SVOP: variants seen among roughly 807,000 people sequenced by gnomAD.
SVOP encodes SV2 related protein.
SVOP carries 17 observed loss-of-function variants against 69.1 expected under a neutral mutation model. The ratio of observed to expected loss-of-function variants is 0.25; its 90% CI spans 0.17 to 0.37. The LOEUF is 0.37. Ranked by LOEUF, SVOP falls within the 10% of genes least tolerant of loss-of-function variation. SVOP has a pLI of 1.00. For missense variants in SVOP, 435 were observed against 597.5 expected (o/e 0.73, Z 2.84); for synonymous variants, 238 against 238.6 (o/e 1.00, Z 0.02).
intron 1 of SVOP, among the ~76,000 whole-genome samples, chr12:109,013,346 T>C (rs917603097): frequency 1.3e-5 from 2 of 151,866 alleles, no homozygotes. Flanking sequence ...CAGCTTTTTT[T>C]CCAATTATGA....
intron 1 of SVOP, among the ~76,000 whole-genome samples, chr12:109,003,333 C>T (rs2040284467): frequency 6.6e-6 from 1 of 152,194 alleles, no homozygotes; most frequent in South Asian, 2.1e-4. Context: ...TATAAATATA[C>T]ATAACAACAG....
At chr12:108,964,419 T>A (rs1245346697) in intron 5 of SVOP, among the ~76,000 whole-genome samples, 3 of 151,060 alleles carry the variant, frequency 2.0e-5, no homozygotes, top group Non-Finnish European at 4.4e-5. Flanking sequence ...ATCCAAGGAG[T>A]CTTGAATCAA....
chr12:108,937,030 C>T (rs1302828835), intron 10 of SVOP: 1 of 505,328 alleles, frequency 2.0e-6, no homozygotes, highest in East Asian at 3.5e-5. Flanking sequence ...CCACTGCACT[C>T]CAGCCTGCAC....
At chr12:108,925,739 C>T (rs1291536252) in intron 11 of SVOP, among the ~76,000 whole-genome samples, 1 of 152,134 alleles carries the variant, frequency 6.6e-6, no homozygotes, top group Non-Finnish European at 1.5e-5. Flanking sequence ...AAGGCATGCA[C>T]CTGCCTCAGG....
At chr12:108,956,379 C>G (rs2039986112) in intron 6 of SVOP, among the ~76,000 whole-genome samples, 1 of 152,000 alleles carries the variant, frequency 6.6e-6, no homozygotes, top group African/African-American at 2.4e-5. Flanking sequence ...GCTCAGCAGG[C>G]ATAAGAAATC....
Position 108,922,700 on chromosome 12 carries a change from A to T in SVOP, c.1146T>A (p.Ser382=). The change falls in exon 12 of 16, where the codon TCT becomes TCA. Residue 382 remains serine, a synonymous_variant. Transcript: ENST00000610966. ...DYMDLLWTTL[S]EFPGVLVTLW... is the part of the protein sequence containing the mutation. ...GCACAGGTCCCTCACCTGGAAACTC[A>T]GAGAGGGTGGTCCACAGCAAGTCCA... 1 of 1,608,200 alleles carries T rather than the reference A, an allele frequency of 6.2e-7. No homozygotes were observed. Among genetic ancestry groups the T allele is most frequent in the Non-Finnish European group, 8.5e-7 (1 of 1,177,390 alleles).
At chr12:108,965,714 G>A (rs2040041289) in intron 5 of SVOP, among the ~76,000 whole-genome samples, 1 of 152,114 alleles carries the variant, frequency 6.6e-6, no homozygotes, top group Non-Finnish European at 1.5e-5. Flanking sequence ...GTGCTCGTGG[G>A]CCAAATGTGG....
intron 4 of SVOP, among the ~76,000 whole-genome samples, chr12:108,975,784 C>CT (rs1491558374): frequency 6.6e-6 from 1 of 152,174 alleles, no homozygotes; most frequent in Non-Finnish European, 1.5e-5. Context: ...TCTCTGCAAA[C>CT]TCAGCCTCCC....
chr12:108,913,312 T>G (rs557122021), intron 15 of SVOP, among the ~76,000 whole-genome samples: 1 of 152,234 alleles, frequency 6.6e-6, no homozygotes, highest in South Asian at 2.1e-4. Flanking sequence ...CCACCCACCT[T>G]GGCCTCCCAA....
chr12:108,982,366 C>A (rs1386782513), intron 2 of SVOP, among the ~76,000 whole-genome samples: 1 of 151,118 alleles, frequency 6.6e-6, no homozygotes, highest in Non-Finnish European at 1.5e-5. Flanking sequence ...TCACTATCAT[C>A]ACCACTGCCA....
intron 1 of SVOP, among the ~76,000 whole-genome samples, chr12:109,011,715 A>G (rs750243166): frequency 2.6e-5 from 4 of 152,232 alleles, no homozygotes; most frequent in Non-Finnish European, 4.4e-5. Flanking sequence ...GTGTCCATCA[A>G]GAGATGAATG....
intron 1 of SVOP, among the ~76,000 whole-genome samples, chr12:108,991,957 GA>G (rs1278664433): frequency 6.6e-6 from 1 of 151,946 alleles, no homozygotes; most frequent in Non-Finnish European, 1.5e-5. Context: ...AAGAAATAAA[GA>G]AATAAACCAA....
intron 5 of SVOP, among the ~76,000 whole-genome samples, chr12:108,971,767 G>A (rs181091482): frequency 1.1e-3 from 162 of 152,096 alleles, no homozygotes; most frequent in Non-Finnish European, 1.3e-3. Context: ...ATTGAGAAAT[G>A]GCTTTCTGGG....
At chr12:108,981,998 C>T (rs945780883) in intron 2 of SVOP, among the ~76,000 whole-genome samples, 3 of 150,864 alleles carry the variant, frequency 2.0e-5, no homozygotes, top group Non-Finnish European at 4.4e-5. Flanking sequence ...ATCATCACCA[C>T]CATCATCACT....
chr12:108,982,758 CTAT>C (rs2040145519), intron 2 of SVOP, among the ~76,000 whole-genome samples: 1 of 141,434 alleles, frequency 7.1e-6, no homozygotes, highest in Non-Finnish European at 1.5e-5. Flanking sequence ...ATCATCATCA[CTAT>C]CATCAACATC....
chr12:108,971,120 G>A (rs2040076132), intron 5 of SVOP, among the ~76,000 whole-genome samples: 1 of 151,816 alleles, frequency 6.6e-6, no homozygotes, highest in African/African-American at 2.4e-5. Flanking sequence ...TACGTATTAG[G>A]AAATTGATAA....
chr12:108,914,865 C>A (rs1269854650), intron 15 of SVOP, among the ~76,000 whole-genome samples: 2 of 150,704 alleles, frequency 1.3e-5, no homozygotes, highest in Non-Finnish European at 3.0e-5. Context: ...ACCCTTCTTT[C>A]CTTTTGTTAA....
chr12:109,017,474 A>G (rs2040373670), intron 1 of SVOP, among the ~76,000 whole-genome samples: 1 of 152,150 alleles, frequency 6.6e-6, no homozygotes, highest in Non-Finnish European at 1.5e-5. Context: ...CACTAGCCAC[A>G]TGTAGCTATT....
At chr12:108,912,878 C>T in intron 15 of SVOP, 137 bp from the exon 16 acceptor site, 1 of 895,900 alleles carries the variant, frequency 1.1e-6, no homozygotes. Flanking sequence ...TCCCTCCTCT[C>T]CCCCTTTGTC....
Sources: allele counts gnomAD v4.1 joint callset (sites outside exome capture counted in the v4.1 genomes callset), GRCh38; gene constraint gnomAD v4.1.1; transcripts MANE v1.5; gene names NCBI Gene and HGNC (gene_info 2026-07-23, HGNC 2026-07-21).